Variants in NPAS3 observed in about 807,000 individuals in gnomAD.
NPAS3 encodes the protein neuronal PAS domain-containing protein 3.
A neutral mutation model predicts 73.1 loss-of-function variants in NPAS3; 14 were observed. The observed-to-expected ratio is 0.19, with a 90% CI of 0.13 to 0.30. The LOEUF is 0.30. Among genes scored for constraint, NPAS3 ranks in the 10% least tolerant of loss-of-function variants. The probability of loss-of-function intolerance (pLI) is 1.00; values close to 1 mark genes in which losing one functional copy is unlikely to be tolerated. For synonymous variants in NPAS3, 620 were observed against 541.5 expected (o/e 1.14, Z -2.01); for missense variants, 1,096 against 1,250.0 (o/e 0.88, Z 1.86).
At chr14:33,077,983 C>T (rs1013528314) in intron 2 of NPAS3, among the ~76,000 whole-genome samples, 1 of 151,290 alleles carries the variant, frequency 6.6e-6, no homozygotes, top group African/African-American at 2.4e-5. Flanking sequence ...ACTAAAAATA[C>T]GAAAAATTAG....
chr14:33,003,747 C>T (rs1033579680), intron 1 of NPAS3, among the ~76,000 whole-genome samples: 20 of 152,098 alleles, frequency 1.3e-4, no homozygotes, highest in African/African-American at 4.8e-4. Context: ...AAGCATTGTC[C>T]CTTACATTTT....
chr14:33,696,446 C>CA lies in NPAS3; in HGVS notation c.733+20062dup, dbSNP rs1158542357. Among the ~76,000 whole-genome samples, 21 of 152,290 alleles carry CA rather than the reference C, an allele frequency of 1.4e-4. No homozygotes were observed. In the South Asian group the frequency reaches 2.1e-3, roughly 15 times the overall value. ...TTGGGCCATCGAAAGACATAATAAA[C>CA]ACGAGAGTGCTTCATGAAAACATGA... is the stretch of plus-strand genomic sequence containing the variant. On this transcript the variant is annotated intron_variant, in intron 6 of 11. Coordinates refer to ENST00000356141, the Ensembl canonical transcript of NPAS3.
intron 4 of NPAS3, among the ~76,000 whole-genome samples, chr14:33,551,021 A>G (rs116442882): frequency 4.3e-4 from 66 of 152,336 alleles, no homozygotes; most frequent in African/African-American, 1.5e-3. Context: ...TGTTAATTAT[A>G]TGAATGATAC....
intron 4 of NPAS3, among the ~76,000 whole-genome samples, chr14:33,384,380 T>C (rs557850245): frequency 2.3e-3 from 338 of 143,870 alleles, no homozygotes; most frequent in African/African-American, 7.8e-3. Context: ...TATTTTAATG[T>C]TTCTGTGTGT....
intron 4 of NPAS3, among the ~76,000 whole-genome samples, chr14:33,555,904 G>GTA (rs2055335709): frequency 6.6e-6 from 1 of 151,920 alleles, no homozygotes; most frequent in African/African-American, 2.4e-5. Flanking sequence ...GTCTGTGTGT[G>GTA]TGTGTGTGTG....
chr14:33,363,680 CTATT>C (rs1307298019), intron 3 of NPAS3, among the ~76,000 whole-genome samples: 6 of 151,966 alleles, frequency 3.9e-5, no homozygotes, highest in African/African-American at 7.3e-5. Context: ...ATTTTTTGGA[CTATT>C]TATTAAGTTT....
chr14:33,189,242 C>T (rs1008513661), intron 2 of NPAS3, among the ~76,000 whole-genome samples: 3 of 152,164 alleles, frequency 2.0e-5, no homozygotes, highest in Non-Finnish European at 4.4e-5. Context: ...TCTGCCCTAT[C>T]GGTGCCAAAA....
chr14:33,564,712 T>A (rs1466526552), intron 5 of NPAS3, among the ~76,000 whole-genome samples: 1 of 152,198 alleles, frequency 6.6e-6, no homozygotes, highest in East Asian at 1.9e-4. Context: ...AGAATACAAT[T>A]GGACTCACAT....
intron 4 of NPAS3, among the ~76,000 whole-genome samples, chr14:33,398,598 G>A (rs1015784548): frequency 3.9e-5 from 6 of 152,010 alleles, no homozygotes; most frequent in Non-Finnish European, 7.4e-5. Flanking sequence ...TCTTGGTTAA[G>A]GTTGACTTTG....
intron 3 of NPAS3, among the ~76,000 whole-genome samples, chr14:33,338,322 T>G (rs989793105): frequency 1.3e-5 from 2 of 152,164 alleles, no homozygotes; most frequent in African/African-American, 4.8e-5. Flanking sequence ...AAAACATTTA[T>G]GGGGGAATAC....
chr14:32,985,763 T>C (rs2038071511), intron 1 of NPAS3, among the ~76,000 whole-genome samples: 1 of 152,180 alleles, frequency 6.6e-6, no homozygotes, highest in African/African-American at 2.4e-5. Flanking sequence ...ATGTTTAGGA[T>C]TCACATTCTC....
intron 5 of NPAS3, among the ~76,000 whole-genome samples, chr14:33,663,750 A>G (rs903758792): frequency 2.6e-5 from 4 of 152,010 alleles, no homozygotes; most frequent in Non-Finnish European, 5.9e-5. Flanking sequence ...CAGGGATTCT[A>G]CTTCTTCCTG....
intron 4 of NPAS3, among the ~76,000 whole-genome samples, chr14:33,519,872 G>T (rs1380158014): frequency 6.6e-6 from 1 of 152,044 alleles, no homozygotes; most frequent in African/African-American, 2.4e-5. Flanking sequence ...TCCCTGAGCT[G>T]CACAGATACC....
intron 1 of NPAS3, among the ~76,000 whole-genome samples, chr14:32,994,397 G>T (rs968414309): frequency 1.3e-5 from 2 of 151,854 alleles, no homozygotes; most frequent in African/African-American, 4.8e-5. Context: ...TTCAGCAAAA[G>T]ACAGAAATAA....
At chr14:33,267,066 T>C (rs2040851916) in intron 3 of NPAS3, among the ~76,000 whole-genome samples, 1 of 152,216 alleles carries the variant, frequency 6.6e-6, no homozygotes, top group Non-Finnish European at 1.5e-5. Flanking sequence ...CTGTAGTTTA[T>C]GAAATCTGCT....
chr14:33,320,530 T>C (rs1395039411), intron 3 of NPAS3, among the ~76,000 whole-genome samples: 1 of 152,138 alleles, frequency 6.6e-6, no homozygotes, highest in Non-Finnish European at 1.5e-5. Flanking sequence ...TTGCTCTTGT[T>C]CAGGTCGTGA....
chr14:33,149,011 T>G (rs1016137607), intron 2 of NPAS3, among the ~76,000 whole-genome samples: 1 of 152,144 alleles, frequency 6.6e-6, no homozygotes, highest in Non-Finnish European at 1.5e-5. Context: ...TTGCATCGTA[T>G]TTCTACTGGA....
At chr14:33,287,138 T>G (rs1197017733) in intron 3 of NPAS3, among the ~76,000 whole-genome samples, 1 of 152,104 alleles carries the variant, frequency 6.6e-6, no homozygotes, top group Non-Finnish European at 1.5e-5. Context: ...GAGTTATTCG[T>G]GGGAGAAAAA....
In NPAS3 at chr14:33,113,072, T is replaced by G. The variant is rs559111309; in HGVS notation, c.140+57078T>G. 1.2e-4 allele frequency among the ~76,000 whole-genome samples: 19 copies of G among 152,354 alleles called. No homozygotes were observed. In the East Asian group the frequency reaches 3.7e-3, roughly 29 times the overall value. ...CCATGCTGTTTTGGTTACTGTAGCC[T>G]TGTAGTATAGTTTGAAGTCAGGTAG... On this transcript the variant is annotated intron_variant, in intron 2 of 11. Transcript: ENST00000356141.
Sources: gnomAD v4.1 joint callset for allele counts (sites outside exome capture counted in the v4.1 genomes callset) on GRCh38, gnomAD v4.1.1 for gene constraint, MANE v1.5 for transcripts, NCBI Gene and HGNC (gene_info 2026-07-23, HGNC 2026-07-21) for gene names.